The following EPHA5 variants were observed in gnomAD, a reference collection of about 807,000 sequenced individuals.
EPHA5 encodes the protein EPH receptor A5, also known as ephrin type-A receptor 5.
Under a neutral mutation model 105.0 loss-of-function variants are expected in EPHA5, and 60 were observed. The observed-to-expected ratio is 0.57, with a 90% CI of 0.46 to 0.71. The LOEUF is 0.71. Ranked by LOEUF, EPHA5 falls within the 30% of genes least tolerant of loss-of-function variation. The pLI is 0.00. For synonymous variants in EPHA5, 513 were observed against 449.1 expected (o/e 1.14, Z -1.80); for missense variants, 1,218 against 1,274.7 (o/e 0.96, Z 0.68).
At chr4:65,392,595 A>G (rs973841609) in intron 8 of EPHA5, among the ~76,000 whole-genome samples, 4 of 152,160 alleles carry the variant, frequency 2.6e-5, no homozygotes, top group African/African-American at 7.2e-5. Flanking sequence ...CCAGATGTCA[A>G]AGAAATAAAA....
intron 8 of EPHA5, among the ~76,000 whole-genome samples, chr4:65,377,954 C>G (rs1719173617): frequency 6.6e-6 from 1 of 151,838 alleles, no homozygotes; most frequent in South Asian, 2.1e-4. Flanking sequence ...ATAGGATATA[C>G]CAGCAGGTCC....
intron 8 of EPHA5, among the ~76,000 whole-genome samples, chr4:65,403,589 A>G (rs1387439355): frequency 7.5e-6 from 1 of 134,170 alleles, no homozygotes; most frequent in Non-Finnish European, 1.6e-5. Flanking sequence ...TGTTTTATAT[A>G]GTTTATTTTG....
intron 14 of EPHA5, among the ~76,000 whole-genome samples, chr4:65,336,954 A>C: frequency 6.6e-6 from 1 of 152,260 alleles, no homozygotes; most frequent in Admixed American, 6.5e-5. Flanking sequence ...ATTTCTCAAT[A>C]TCTTATTTTG....
chr4:65,408,387 G>T (rs1273108867), intron 7 of EPHA5, among the ~76,000 whole-genome samples: 1 of 151,980 alleles, frequency 6.6e-6, no homozygotes, highest in African/African-American at 2.4e-5. Flanking sequence ...TGGAAAAACA[G>T]CTGGGAAATA....
At chr4:65,614,992 G>T (rs970666648) in intron 2 of EPHA5, among the ~76,000 whole-genome samples, 1 of 151,666 alleles carries the variant, frequency 6.6e-6, no homozygotes, top group Non-Finnish European at 1.5e-5. Flanking sequence ...GAGTTTACAA[G>T]TATATAATAA....
Position 65,517,469 on chromosome 4 carries a change from A to G in EPHA5, c.911-21926T>C, listed in dbSNP as rs1378724582. On this transcript the variant is annotated intron_variant, in intron 3 of 16. Transcript: ENST00000613740. Reference sequence around the variant, plus strand: ...AATTTGAGTTTTGATTTCTTATTGTACTCTAATGATCTGCACCTTTTAATT... The same window carrying G: ...AATTTGAGTTTTGATTTCTTATTGTGCTCTAATGATCTGCACCTTTTAATT... Among the ~76,000 whole-genome samples the G allele has an allele frequency of 2.0e-5, 3 of 151,706 alleles. No individual in the cohort carries two copies. The Admixed American group carries it at 2.0e-4, about 10-fold the overall frequency.
At chr4:65,333,689 G>T (rs1720906884) in intron 15 of EPHA5, among the ~76,000 whole-genome samples, 1 of 142,470 alleles carries the variant, frequency 7.0e-6, no homozygotes, top group South Asian at 2.2e-4. Flanking sequence ...TTCTATTTAG[G>T]CTATAACTCC....
intron 3 of EPHA5, among the ~76,000 whole-genome samples, chr4:65,556,841 C>G (rs1247827221): frequency 6.6e-6 from 1 of 151,976 alleles, no homozygotes; most frequent in Non-Finnish European, 1.5e-5. Context: ...TTTTCATTGT[C>G]TAAGCTATCC....
At chr4:65,524,588 G>T (rs1470147307) in intron 3 of EPHA5, among the ~76,000 whole-genome samples, 1 of 151,646 alleles carries the variant, frequency 6.6e-6, no homozygotes, top group African/African-American at 2.4e-5. Flanking sequence ...TTAGTCAAAT[G>T]AAGTATTATT....
At position 65,435,177 on chromosome 4, in the gene EPHA5, A is replaced by C. The variant is rs114235024; in HGVS notation, c.1403-14612T>G. ...ATACACCCTGGGCAAGTTCATGAAT[A>C]TTTTATTGCTACACATTAAATTTCA... On this transcript the variant is annotated intron_variant, in intron 5 of 16. Coordinates refer to ENST00000613740, the MANE Select transcript of EPHA5 (RefSeq NM_001281766.3). 1.8e-3 allele frequency among the ~76,000 whole-genome samples: 280 copies of C among 152,220 alleles called. 1 individual carries two copies. The highest frequency in any genetic ancestry group is 6.4e-3 in the African/African-American group (265 of 41,558).
chr4:65,398,478 G>A (rs1466863678), intron 8 of EPHA5, among the ~76,000 whole-genome samples: 2 of 152,188 alleles, frequency 1.3e-5, no homozygotes, highest in African/African-American at 2.4e-5. Flanking sequence ...ACAGAAGACA[G>A]TGGCTCCCCA....
chr4:65,571,369 T>C (rs1232757189), intron 3 of EPHA5, among the ~76,000 whole-genome samples: 1 of 150,434 alleles, frequency 6.6e-6, no homozygotes, highest in Non-Finnish European at 1.5e-5. Context: ...AATGTCTAAA[T>C]CAATAAGTGT....
intron 3 of EPHA5, among the ~76,000 whole-genome samples, chr4:65,574,729 TAC>T (rs1165621996): frequency 1.5e-3 from 151 of 99,150 alleles, no homozygotes; most frequent in African/African-American, 4.5e-3. Flanking sequence ...TACATATATA[TAC>T]ATATATATAT....
intron 5 of EPHA5, among the ~76,000 whole-genome samples, chr4:65,467,031 G>T (rs141402673): frequency 0.029 from 4,427 of 152,180 alleles, 99 homozygotes; most frequent in Non-Finnish European, 0.041. Flanking sequence ...AATTACCATT[G>T]GGACAAAAGA....
intron 3 of EPHA5, among the ~76,000 whole-genome samples, chr4:65,535,294 G>A (rs1256673218): frequency 6.6e-6 from 1 of 152,096 alleles, no homozygotes; most frequent in Admixed American, 6.6e-5. Context: ...CCCATTGTCT[G>A]TGGCAGGATG....
At chr4:65,364,868 T>C in intron 11 of EPHA5, 149 bp downstream of exon 11, 2 of 548,138 alleles carry the variant, frequency 3.6e-6, no homozygotes, top group East Asian at 3.4e-5. Flanking sequence ...AGATTAGCTT[T>C]AACAAAAATC....
chr4:65,390,231 T>A (rs556034772), intron 8 of EPHA5, among the ~76,000 whole-genome samples: 14 of 152,156 alleles, frequency 9.2e-5, no homozygotes, highest in Admixed American at 6.6e-4. Flanking sequence ...GCAATACCTT[T>A]TTTAACCTCC....
intron 15 of EPHA5, among the ~76,000 whole-genome samples, chr4:65,332,389 A>G (rs966416010): frequency 2.0e-5 from 3 of 151,842 alleles, no homozygotes; most frequent in African/African-American, 7.2e-5. Flanking sequence ...GTAAAACAAA[A>G]CAATAGCTAA....
chr4:65,542,256 T>G (rs938613015), intron 3 of EPHA5, among the ~76,000 whole-genome samples: 24 of 151,718 alleles, frequency 1.6e-4, no homozygotes, highest in Non-Finnish European at 7.4e-5. Flanking sequence ...CTGAAGAAGA[T>G]AAAGACACAA....
Sources: allele counts gnomAD v4.1 joint callset (sites outside exome capture counted in the v4.1 genomes callset), GRCh38; gene constraint gnomAD v4.1.1; transcripts MANE v1.5; gene names NCBI Gene and HGNC (gene_info 2026-07-23, HGNC 2026-07-21).